Variants in CCSER2 observed in about 807,000 individuals in gnomAD.
CCSER2 encodes the protein coiled-coil serine rich protein 2, also known as serine-rich coiled-coil domain-containing protein 2.
CCSER2 carries 46 observed loss-of-function variants against 92.3 expected under a neutral mutation model. The ratio of observed to expected loss-of-function variants is 0.50; its 90% CI spans 0.39 to 0.64. The LOEUF (loss-of-function observed/expected upper bound fraction) is 0.64, where lower values mean the gene tolerates loss of function less well. Ranked by LOEUF, CCSER2 falls within the 30% of genes least tolerant of loss-of-function variation. The pLI is 0.00. For missense variants in CCSER2, 1,244 were observed against 1,238.9 expected (o/e 1.00, Z -0.06); for synonymous variants, 433 against 431.4 (o/e 1.00, Z -0.04).
intron 9 of CCSER2, among the ~76,000 whole-genome samples, chr10:84,500,818 T>A (rs532411824): frequency 6.6e-6 from 1 of 152,230 alleles, no homozygotes; most frequent in Non-Finnish European, 1.5e-5. Context: ...TTTTTCATTA[T>A]CCATTTCCAT....
At chr10:84,335,268 A>G (rs1843774626) in intron 1 of CCSER2, among the ~76,000 whole-genome samples, 2 of 116,892 alleles carry the variant, frequency 1.7e-5, no homozygotes, top group African/African-American at 7.0e-5. Context: ...GGGTCTCTGG[A>G]CCCAGGCTGG....
chr10:84,465,281 GTGTGTGTGTGAAAA>G (rs1439462839), intron 7 of CCSER2, among the ~76,000 whole-genome samples: 1 of 56,918 alleles, frequency 1.8e-5, no homozygotes, highest in Admixed American at 1.6e-4. Context: ...GTGTGTGTGT[GTGTGTGTGTGAAAA>G]AGTTTTTTAC....
At chr10:84,457,712 T>C (rs987081106) in intron 6 of CCSER2, among the ~76,000 whole-genome samples, 1 of 115,042 alleles carries the variant, frequency 8.7e-6, no homozygotes, top group East Asian at 2.2e-4. Flanking sequence ...AATTATATTA[T>C]ATATAAATAT....
intron 7 of CCSER2, among the ~76,000 whole-genome samples, chr10:84,467,260 C>T (rs1846500863): frequency 6.6e-6 from 1 of 152,194 alleles, no homozygotes; most frequent in African/African-American, 2.4e-5. Flanking sequence ...TTCTCCTCTT[C>T]TTTAAATGTT....
intron 1 of CCSER2, among the ~76,000 whole-genome samples, chr10:84,342,305 C>T (rs1215218889): frequency 6.6e-6 from 1 of 152,184 alleles, no homozygotes; most frequent in Admixed American, 6.5e-5. Context: ...GTATCACAGG[C>T]AGCCTGGGAA....
chr10:84,481,004 G>GT (rs923458413), intron 9 of CCSER2, among the ~76,000 whole-genome samples: 5 of 151,916 alleles, frequency 3.3e-5, no homozygotes, highest in African/African-American at 7.2e-5. Flanking sequence ...AATTACTACA[G>GT]TTTTTTTTCT....
Position 84,371,841 on chromosome 10 carries a change from G to A in CCSER2, c.789G>A (p.Val263=), listed in dbSNP as rs1459809309. The A allele has an allele frequency of 2.5e-6, 4 of 1,613,766 alleles. No individual in the cohort carries two copies. The highest frequency in any genetic ancestry group is 2.2e-5 in the East Asian group (1 of 44,888). Residue 263 remains valine (V), a synonymous_variant, in exon 2 of 10, where the codon GTG becomes GTA. Transcript: ENST00000372088. ...AGAACCAACAGCTATCCATTAGAGT[G>A]CCTCTACGGTCAAGTATGCTAACAA... The part of the protein sequence containing the change: ...PYQNQQLSIR[V]PLRSSMLTRN...
chr10:84,373,902 A>G lies in CCSER2; in HGVS notation c.1614+87A>G, dbSNP rs568195905. The G allele has an allele frequency of 6.6e-5, 103 of 1,565,834 alleles. No homozygotes were observed. The South Asian group carries it at 1.0e-3, about 16-fold the overall frequency. ...ATATGATTGATTTTGTAAAAAATTT[A>G]TGAATTAACTTTACTACTTTGAGAA... On this transcript the variant is annotated intron_variant, in intron 3 of 9. Coordinates refer to ENST00000372088, the MANE Select transcript of CCSER2 (RefSeq NM_001284240.2).
chr10:84,357,834 A>T (rs1359315931), intron 1 of CCSER2, among the ~76,000 whole-genome samples: 3 of 152,198 alleles, frequency 2.0e-5, no homozygotes, highest in Non-Finnish European at 4.4e-5. Context: ...TGACAACTGT[A>T]TCCACAATAA....
intron 1 of CCSER2, among the ~76,000 whole-genome samples, chr10:84,334,898 G>A (rs999240499): frequency 1.3e-5 from 2 of 152,018 alleles, no homozygotes; most frequent in Non-Finnish European, 2.9e-5. Context: ...CCCTGTTTCT[G>A]TCCTTGATAA....
chr10:84,470,378 G>GATT lies in CCSER2; in HGVS notation c.2156_2158dup (p.Asp719_Leu720insTyr), dbSNP rs1846716258. On this transcript the variant is annotated inframe_insertion, in exon 8 of 10. Coordinates refer to ENST00000372088, the MANE Select transcript of CCSER2 (RefSeq NM_001284240.2). ...AGATTTTTTAATATTTCAGAATGAA[G>GATT]ATTTATTAAATGAAATAAAACAACT... 1 of 1,313,384 alleles carries GATT rather than the reference G, an allele frequency of 7.6e-7. No homozygotes were observed. The highest frequency in any genetic ancestry group is 1.5e-5 in the South Asian group (1 of 68,702). 81.4% of individuals were successfully genotyped at this position (1,313,384 alleles called of 1,614,324 possible).
rs75340986 is a variant in CCSER2 at position 84,382,622 on chromosome 10, A to G, written c.1614+8807A>G. On this transcript the variant is annotated intron_variant, in intron 3 of 9. Coordinates refer to ENST00000372088, the MANE Select transcript of CCSER2 (RefSeq NM_001284240.2). Reference sequence around the variant, plus strand: ...TGAAGAATAGTTGAACTACAATGTCATGATGATTGATTTTCTAACACTGAA... The same window carrying G: ...TGAAGAATAGTTGAACTACAATGTCGTGATGATTGATTTTCTAACACTGAA... Among the ~76,000 whole-genome samples the G allele has an allele frequency of 2.0e-5, 3 of 152,352 alleles. No individual in the cohort carries two copies. In the South Asian group the frequency reaches 6.2e-4, roughly 32 times the overall value.
In CCSER2 at chr10:84,513,954, C is replaced by A. The variant is rs763687031; in HGVS notation, c.2831C>A (p.Thr944Asn). The A allele has an allele frequency of 6.4e-5, 99 of 1,536,456 alleles. No homozygotes were observed. The Middle Eastern group carries it at 6.6e-4, about 10-fold the overall frequency. Residue 944 changes from threonine (T) to asparagine (N), a missense_variant, in exon 10 of 10, where the codon ACT becomes AAT. Transcript: ENST00000372088. Reference sequence around the variant, plus strand: ...GTTTCTGAATCATCTCCAAGTAGGACTCCCACTTGTAAAAAGTCACCAATA... The same window carrying A: ...GTTTCTGAATCATCTCCAAGTAGGAATCCCACTTGTAAAAAGTCACCAATA... ...PPVSESSPSRTPTCKKSPIIT... is the reference protein window; with the variant it reads ...PPVSESSPSRNPTCKKSPIIT...
intron 5 of CCSER2, among the ~76,000 whole-genome samples, chr10:84,433,430 C>CACGT (rs1843906721): frequency 7.2e-6 from 1 of 137,998 alleles, no homozygotes; most frequent in Admixed American, 8.0e-5. Flanking sequence ...CCACCCCACA[C>CACGT]ACATACACAC....
At chr10:84,368,480 G>A (rs1325987855) in intron 1 of CCSER2, among the ~76,000 whole-genome samples, 1 of 151,430 alleles carries the variant, frequency 6.6e-6, no homozygotes, top group African/African-American at 2.4e-5. Context: ...TTGAACATTT[G>A]TACGATTTTC....
intron 1 of CCSER2, among the ~76,000 whole-genome samples, chr10:84,330,022 C>T (rs1182365073): frequency 3.9e-5 from 6 of 152,232 alleles, no homozygotes; most frequent in African/African-American, 1.4e-4. Context: ...TAGAAGCCAT[C>T]CTGAAAGCAA....
chr10:84,489,224 G>A (rs1165520514), intron 9 of CCSER2, among the ~76,000 whole-genome samples: 1 of 152,154 alleles, frequency 6.6e-6, no homozygotes, highest in Non-Finnish European at 1.5e-5. Flanking sequence ...GTTGATTTGG[G>A]GTGGAGAGTT....
At chr10:84,464,064 C>A in intron 7 of CCSER2, 48 bp downstream of exon 7, 2 of 883,774 alleles carry the variant, frequency 2.3e-6, no homozygotes, top group Non-Finnish European at 3.6e-6. Flanking sequence ...TTTTTAAATA[C>A]TAAAATAATG....
intron 6 of CCSER2, among the ~76,000 whole-genome samples, chr10:84,439,198 C>CTTTTTTTTT (rs10654679): frequency 2.1e-5 from 3 of 139,790 alleles, no homozygotes; most frequent in African/African-American, 2.6e-5. Context: ...TTTTTCTTTT[C>CTTTTTTTTT]TTTTTTTTTT....
Sources: gnomAD v4.1 joint callset for allele counts (sites outside exome capture counted in the v4.1 genomes callset) on GRCh38, gnomAD v4.1.1 for gene constraint, MANE v1.5 for transcripts, NCBI Gene and HGNC (gene_info 2026-07-23, HGNC 2026-07-21) for gene names.